Variants in CDH12 observed in about 807,000 individuals in gnomAD.
CDH12 encodes the protein cadherin-12.
A neutral mutation model predicts 74.1 loss-of-function variants in CDH12; 41 were observed. The observed-to-expected ratio is 0.55, with a 90% CI of 0.43 to 0.72. The LOEUF is 0.72. Among genes scored for constraint, CDH12 ranks in the 30% least tolerant of loss-of-function variants. The pLI is 0.00. For synonymous variants in CDH12, 399 were observed against 355.0 expected, an observed-to-expected ratio of 1.12 and a Z score of -1.39; for missense variants, 945 against 977.2, an observed-to-expected ratio of 0.97 and a Z score of 0.44.
chr5:22,299,586 C>G (rs1441596113), intron 3 of CDH12, among the ~76,000 whole-genome samples: 2 of 152,066 alleles, frequency 1.3e-5, no homozygotes, highest in Non-Finnish European at 2.9e-5. Flanking sequence ...TCTCTATGAG[C>G]CTGAATAAGG....
At chr5:22,061,304 C>T (rs1157092733) in intron 5 of CDH12, among the ~76,000 whole-genome samples, 2 of 152,066 alleles carry the variant, frequency 1.3e-5, no homozygotes, top group East Asian at 1.9e-4. Flanking sequence ...GGTCTTGCCT[C>T]GTGAACAATG....
At chr5:22,497,835 G>T (rs1747166560) in intron 2 of CDH12, among the ~76,000 whole-genome samples, 1 of 151,666 alleles carries the variant, frequency 6.6e-6, no homozygotes, top group South Asian at 2.1e-4. Context: ...TAGAGACGGG[G>T]TTTCACCATG....
intron 2 of CDH12, among the ~76,000 whole-genome samples, chr5:22,503,044 GA>G (rs1017351505): frequency 6.6e-6 from 1 of 151,490 alleles, no homozygotes; most frequent in Admixed American, 6.6e-5. Flanking sequence ...ACTACAGGAA[GA>G]AAAAAAATGC....
intron 3 of CDH12, among the ~76,000 whole-genome samples, chr5:22,262,085 G>T (rs1008372399): frequency 6.6e-6 from 1 of 151,702 alleles, no homozygotes; most frequent in South Asian, 2.1e-4. Context: ...TCATTGCATG[G>T]TTTTATAATA....
At chr5:21,880,689 T>TTCTTTCTTTCTA (rs1752303297) in intron 6 of CDH12, among the ~76,000 whole-genome samples, 1 of 131,588 alleles carries the variant, frequency 7.6e-6, no homozygotes, top group African/African-American at 2.8e-5. Context: ...CTTTCTTTCT[T>TTCTTTCTTTCTA]TCTCTTTTCT....
intron 5 of CDH12, among the ~76,000 whole-genome samples, chr5:22,038,167 T>G (rs1399137551): frequency 6.6e-6 from 1 of 151,970 alleles, no homozygotes; most frequent in African/African-American, 2.4e-5. Flanking sequence ...ACTGCTGGAG[T>G]GTATCCTGCT....
chr5:21,919,129 T>C (rs1210187654), intron 6 of CDH12, among the ~76,000 whole-genome samples: 1 of 152,200 alleles, frequency 6.6e-6, no homozygotes, highest in Admixed American at 6.5e-5. Context: ...TGTCTCAAAG[T>C]ATTTACAAAT....
chr5:21,934,674 A>T (rs1273840985), intron 6 of CDH12, among the ~76,000 whole-genome samples: 1 of 152,194 alleles, frequency 6.6e-6, no homozygotes, highest in East Asian at 1.9e-4. Flanking sequence ...TGTATACCAT[A>T]AGGAAGCACT....
At chr5:22,760,377 G>A (rs1033724874) in intron 1 of CDH12, among the ~76,000 whole-genome samples, 1 of 152,066 alleles carries the variant, frequency 6.6e-6, no homozygotes, top group Non-Finnish European at 1.5e-5. Context: ...GTACCAGTAG[G>A]TATTTGAAAA....
At chr5:22,793,733 T>A (rs779295182) in intron 1 of CDH12, among the ~76,000 whole-genome samples, 2 of 151,498 alleles carry the variant, frequency 1.3e-5, no homozygotes, top group Non-Finnish European at 2.9e-5. Flanking sequence ...GATCTCATCA[T>A]GTGCCCGCAC....
At chr5:21,841,303 A>G (rs1196912874) in intron 8 of CDH12, among the ~76,000 whole-genome samples, 1 of 152,102 alleles carries the variant, frequency 6.6e-6, no homozygotes, top group Non-Finnish European at 1.5e-5. Context: ...CAAAACCACA[A>G]TGAGATATCG....
intron 2 of CDH12, among the ~76,000 whole-genome samples, chr5:22,489,015 A>G (rs1375681310): frequency 9.4e-6 from 1 of 106,722 alleles, no homozygotes; most frequent in Non-Finnish European, 2.0e-5. Flanking sequence ...TTTTTCTATT[A>G]TTATGTTGGT....
rs543464874 is a variant in CDH12 at position 21,991,080 on chromosome 5, C to T, written c.232-15695G>A. On this transcript the variant is annotated intron_variant, in intron 5 of 14. Coordinates refer to ENST00000382254, the MANE Select transcript of CDH12 (RefSeq NM_004061.5). Reference sequence around the variant, plus strand: ...TTTGAGCAAAGCCAGATTTGTATTACCCTGAATGCATTAATAACAATAGTA... The same window carrying T: ...TTTGAGCAAAGCCAGATTTGTATTATCCTGAATGCATTAATAACAATAGTA... 4.0e-3 allele frequency among the ~76,000 whole-genome samples: 602 copies of T among 151,606 alleles called. 10 individuals carry two copies. The highest frequency in any genetic ancestry group is 0.014 in the African/African-American group (569 of 41,360).
At chr5:21,996,695 T>A (rs1267934074) in intron 5 of CDH12, among the ~76,000 whole-genome samples, 1 of 152,210 alleles carries the variant, frequency 6.6e-6, no homozygotes, top group Admixed American at 6.6e-5. Context: ...TCCTATAAAA[T>A]TTAAAACAGT....
intron 5 of CDH12, among the ~76,000 whole-genome samples, chr5:21,985,920 C>T (rs1203318119): frequency 6.6e-6 from 1 of 152,146 alleles, no homozygotes; most frequent in African/African-American, 2.4e-5. Flanking sequence ...TTCAAAGCCA[C>T]CGAATGCCCA....
At chr5:22,395,209 A>T (rs1160327591) in intron 3 of CDH12, among the ~76,000 whole-genome samples, 1 of 152,174 alleles carries the variant, frequency 6.6e-6, no homozygotes, top group African/African-American at 2.4e-5. Flanking sequence ...CAGACAAAAG[A>T]GGAGAAGACG....
chr5:22,835,087 G>A (rs900356073), intron 1 of CDH12, among the ~76,000 whole-genome samples: 3 of 152,008 alleles, frequency 2.0e-5, no homozygotes, highest in Non-Finnish European at 4.4e-5. Context: ...CAATGAGAAG[G>A]ATTTCGAAGA....
intron 4 of CDH12, among the ~76,000 whole-genome samples, chr5:22,117,209 T>A (rs1380971887): frequency 1.3e-5 from 2 of 150,762 alleles, no homozygotes; most frequent in African/African-American, 2.4e-5. Context: ...GAAATATTGA[T>A]TTCACTTCTT....
At chr5:22,405,487 C>T (rs1742904799) in intron 2 of CDH12, 136 bp from the exon 3 acceptor site, 1 of 156,338 alleles carries the variant, frequency 6.4e-6, no homozygotes. Flanking sequence ...TATTATAATT[C>T]ATAACCAAAG....
Sources: allele counts gnomAD v4.1 joint callset (sites outside exome capture counted in the v4.1 genomes callset), GRCh38; gene constraint gnomAD v4.1.1; transcripts MANE v1.5; gene names NCBI Gene and HGNC (gene_info 2026-07-23, HGNC 2026-07-21).